ITGA4: variants seen among roughly 807,000 people sequenced by gnomAD.
The protein encoded by ITGA4 is integrin alpha-4.
In ITGA4, 63 loss-of-function variants were observed where a neutral mutation model predicts 133.6. The ratio of observed to expected loss-of-function variants is 0.47; its 90% CI spans 0.38 to 0.58. The LOEUF is 0.58. ITGA4 is among the 20% of genes least tolerant of loss of function. The pLI, the probability that ITGA4 is intolerant of heterozygous loss-of-function variation, is 0.00. For synonymous variants in ITGA4, 483 were observed against 438.0 expected, an observed-to-expected ratio of 1.10 and a Z score of -1.28; for missense variants, 1,076 against 1,252.7, an observed-to-expected ratio of 0.86 and a Z score of 2.13.
At chr2:181,526,591 C>T (rs939549856) in intron 21 of ITGA4, among the ~76,000 whole-genome samples, 4 of 152,026 alleles carry the variant, frequency 2.6e-5, no homozygotes, top group Non-Finnish European at 5.9e-5. Context: ...CAGCAGGGAT[C>T]ATGAGATGGG....
At chr2:181,505,648 A>C (rs899797166) in intron 15 of ITGA4, among the ~76,000 whole-genome samples, 3 of 152,136 alleles carry the variant, frequency 2.0e-5, no homozygotes, top group African/African-American at 7.2e-5. Flanking sequence ...GTTAAAGTTA[A>C]ATAAGTGTGA....
At chr2:181,483,679 A>G (rs1364282727) in intron 9 of ITGA4, among the ~76,000 whole-genome samples, 4 of 152,208 alleles carry the variant, frequency 2.6e-5, no homozygotes, top group African/African-American at 9.6e-5. Flanking sequence ...ACCTACATTT[A>G]ATAGTAAAAG....
In ITGA4 at chr2:181,495,504, G is replaced by A; in HGVS notation, c.1385+88G>A. 2.1e-6 allele frequency: 2 copies of A among 961,060 alleles called. No homozygotes were observed. Among genetic ancestry groups the A allele is most frequent in the South Asian group, 2.6e-5 (2 of 75,708 alleles). 59.5% of individuals were successfully genotyped at this position (961,060 alleles called of 1,614,324 possible). On this transcript the variant is annotated intron_variant, in intron 13 of 27. Transcript: ENST00000397033. This position sits in a 1 kb window ranked among gnomAD's most constrained non-coding sequence, Gnocchi z 4.3. ...GGTGTTTAAAATCAGCAGTGGTAGT[G>A]ACCTCATGATGCTCTTTTGGTATTC...
intron 10 of ITGA4, among the ~76,000 whole-genome samples, chr2:181,486,862 CA>C (rs1223152473): frequency 1.3e-5 from 2 of 152,174 alleles, no homozygotes; most frequent in Admixed American, 1.3e-4. Context: ...AGGCCATTGG[CA>C]ATTAGTATAC....
chr2:181,508,269 G>A (rs1011683225), intron 15 of ITGA4, among the ~76,000 whole-genome samples: 3 of 152,028 alleles, frequency 2.0e-5, no homozygotes, highest in Admixed American at 2.0e-4. Flanking sequence ...GAAATGCTGT[G>A]TAGACATAAG....
At chr2:181,532,991 C>G (rs1320461855) in intron 25 of ITGA4, among the ~76,000 whole-genome samples, 1 of 151,684 alleles carries the variant, frequency 6.6e-6, no homozygotes, top group African/African-American at 2.4e-5. Flanking sequence ...AAAAATATAG[C>G]TAAGAAGAAA....
In ITGA4 at chr2:181,524,061, T is replaced by C. The variant is rs561825006; in HGVS notation, c.2170-110T>C. Reference sequence around the variant, plus strand: ...GGAGGAGTAGCTGATGCCTTTACAATGGTTCAATTCTACATTCCATAGAAC... The same window carrying C: ...GGAGGAGTAGCTGATGCCTTTACAACGGTTCAATTCTACATTCCATAGAAC... On this transcript the variant is annotated intron_variant, in intron 19 of 27. Transcript: ENST00000397033. 134 of 689,330 alleles carry C rather than the reference T, an allele frequency of 1.9e-4. 2 individuals are homozygous for C. In the South Asian group the frequency reaches 2.5e-3, roughly 13 times the overall value. The allele number at this position is 689,330 out of a possible 1,614,324, so 42.7% of individuals were successfully genotyped here.
Position 181,534,349 on chromosome 2 carries a change from C to A in ITGA4, c.2862C>A (p.Asn954Lys), listed in dbSNP as rs200732008. 15 of 1,601,750 alleles carry A rather than the reference C, an allele frequency of 9.4e-6. No individual in the cohort carries two copies. Among genetic ancestry groups the A allele is most frequent in the Non-Finnish European group, 1.3e-5 (15 of 1,169,134 alleles). The stretch of plus-strand genomic sequence containing the variant: ...CAAATCCAAGAGTAATTGAACTAAA[C>A]AAGGATGAGAATGTTGCGCATGTAA... ...PEPNPRVIELNKDENVAHVLL... is the reference protein window; with the variant it reads ...PEPNPRVIELKKDENVAHVLL... Residue 954 changes from asparagine to lysine, a missense_variant, in exon 26 of 28, where the codon AAC (asparagine) becomes AAA (lysine). By Grantham distance (94) the Asn-to-Lys change is moderately conservative. Around this residue, in one of 4 missense-constraint regions of ITGA4, gnomAD observed 193 missense variants for 172.3 expected, o/e 1.12. Coordinates refer to ENST00000397033, the MANE Select transcript of ITGA4 (RefSeq NM_000885.6).
In ITGA4 at chr2:181,479,087, A is replaced by C. The variant is rs534284449; in HGVS notation, c.624+263A>C. On this transcript the variant is annotated intron_variant, in intron 5 of 27. Transcript: ENST00000397033. ...ATTTCTTTCATCAACAATTTAATGA[A>C]AATCAAAAGTAGCTATGGTTAATTG... 10 of 260,612 alleles carry C rather than the reference A, an allele frequency of 3.8e-5. No individual in the cohort carries two copies. The South Asian group carries it at 1.7e-3, about 44-fold the overall frequency. The allele number at this position is 260,612 out of a possible 1,614,324, so 16.1% of individuals were successfully genotyped here. A position where few individuals can be genotyped will look rare whatever the true frequency, so the allele number is the denominator to read the frequency against.
rs1687076787 is a variant in ITGA4, at chr2:181,536,166, GCTTAGTGAAATT to G, written c.*640_*651del. ...AGACTGAACATGTACACTGGTTTGA[GCTTAGTGAAATT>G]ACTTCTGGATAATTATTTTTTTATA... On this transcript the variant is annotated 3_prime_UTR_variant, in exon 28 of 28. Coordinates refer to ENST00000397033, the MANE Select transcript of ITGA4 (RefSeq NM_000885.6). 2 of 151,718 alleles carry G rather than the reference GCTTAGTGAAATT, an allele frequency of 1.3e-5. No individual in the cohort carries two copies. The highest frequency in any genetic ancestry group is 1.3e-4 in the Admixed American group (2 of 15,224). 9.4% of individuals were successfully genotyped at this position (151,718 alleles called of 1,614,324 possible). A position where few individuals can be genotyped will look rare whatever the true frequency, so the allele number is the denominator to read the frequency against.
intron 2 of ITGA4, 177 bp downstream of exon 2, chr2:181,458,494 TGTTA>T: frequency 1.5e-6 from 1 of 675,662 alleles, no homozygotes; most frequent in Non-Finnish European, 2.5e-6. Context: ...ATTCCCTTTC[TGTTA>T]ATATCGTTCT....
intron 4 of ITGA4, among the ~76,000 whole-genome samples, chr2:181,477,020 G>A (rs1025459302): frequency 2.0e-5 from 3 of 152,050 alleles, no homozygotes; most frequent in Non-Finnish European, 4.4e-5. Context: ...TACCTATCAG[G>A]TACTATGCCT....
intron 9 of ITGA4, among the ~76,000 whole-genome samples, chr2:181,485,674 C>G (rs1351683948): frequency 6.6e-6 from 1 of 152,068 alleles, no homozygotes; most frequent in Non-Finnish European, 1.5e-5. Context: ...TTTTTATGTC[C>G]TCTGAGGTCT....
intron 20 of ITGA4, 82 bp downstream of exon 20, chr2:181,524,332 T>C: frequency 1.3e-6 from 1 of 757,384 alleles, no homozygotes. Context: ...CGTAAAACTG[T>C]GTTCCATTAA....
At chr2:181,521,653 A>G (rs1385980083) in intron 17 of ITGA4, among the ~76,000 whole-genome samples, 1 of 152,196 alleles carries the variant, frequency 6.6e-6, no homozygotes, top group Non-Finnish European at 1.5e-5. Flanking sequence ...GCTGCTTCAC[A>G]ATTTAATTCT....
intron 24 of ITGA4, 102 bp downstream of exon 24, chr2:181,530,751 G>C (rs1686928450): frequency 2.9e-6 from 3 of 1,052,166 alleles, no homozygotes; most frequent in Non-Finnish European, 4.2e-6. Context: ...AATAATAAGA[G>C]AGAAGACAAG....
At chr2:181,522,160 CAAG>C in intron 17 of ITGA4, 28 bp from the exon 18 acceptor site, 1 of 1,377,546 alleles carries the variant, frequency 7.3e-7, no homozygotes, top group Admixed American at 1.9e-5. Flanking sequence ...ATTTCCTAAA[CAAG>C]AACTAAATAA....
intron 2 of ITGA4, among the ~76,000 whole-genome samples, chr2:181,460,534 T>G (rs1430893857): frequency 6.6e-6 from 1 of 151,388 alleles, no homozygotes; most frequent in Non-Finnish European, 1.5e-5. Context: ...CAAGAGTGTG[T>G]GTAAATATAT....
chr2:181,524,006 C>A (rs971596514), intron 19 of ITGA4, among the ~76,000 whole-genome samples, 165 bp from the exon 20 acceptor site: 2 of 152,066 alleles, frequency 1.3e-5, no homozygotes, highest in Admixed American at 1.3e-4. Context: ...AGCCACAAAC[C>A]CAACAACTTC....
Sources: gnomAD v4.1 joint callset for allele counts (sites outside exome capture counted in the v4.1 genomes callset) on GRCh38, gnomAD v4.1.1 for gene constraint, gnomAD v4.1.1 regional missense constraint, Gnocchi (gnomAD v3.1) non-coding constraint, MANE v1.5 for transcripts, NCBI Gene and HGNC (gene_info 2026-07-23, HGNC 2026-07-21) for gene names.